The following MCPH1 variants were observed in gnomAD, a reference collection of about 807,000 sequenced individuals.
The protein encoded by MCPH1 is microcephalin.
In MCPH1, 104 loss-of-function variants were observed where a neutral mutation model predicts 84.5. The observed-to-expected ratio is 1.23, with a 90% confidence interval of 1.05 to 1.45. The LOEUF (loss-of-function observed/expected upper bound fraction) is 1.45. Ranked by LOEUF, MCPH1 falls within the 40% of genes most tolerant of loss-of-function variation. The probability of loss-of-function intolerance (pLI) is 0.00; values close to 1 mark genes in which losing one functional copy is unlikely to be tolerated. For synonymous variants in MCPH1, 514 were observed against 366.8 expected, an observed-to-expected ratio of 1.40 and a Z score of -4.58; for missense variants, 1,498 against 1,005.7, an observed-to-expected ratio of 1.49 and a Z score of -6.62.
At chr8:6,509,078 G>GA (rs759292001) in intron 12 of MCPH1, 129 of 1,603,554 alleles carry the variant, frequency 8.0e-5, no homozygotes, top group Non-Finnish European at 9.6e-5. Context: ...AGCGTGCAAA[G>GA]AAAAAAAACA....
intron 13 of MCPH1, among the ~76,000 whole-genome samples, chr8:6,635,672 C>T (rs772168355): frequency 6.6e-6 from 1 of 152,170 alleles, no homozygotes; most frequent in East Asian, 1.9e-4. Flanking sequence ...AAGGAGCTGT[C>T]GGTTCTAAGA....
chr8:6,532,193 T>C (rs1984857), intron 12 of MCPH1: 396,564 of 1,018,306 alleles, frequency 0.39, 80,032 homozygotes, highest in Non-Finnish European at 0.41. Context: ...ACATCCTTAA[T>C]TTCTTATCAA....
intron 12 of MCPH1, among the ~76,000 whole-genome samples, chr8:6,546,872 T>C (rs1822676359): frequency 6.6e-6 from 1 of 152,222 alleles, no homozygotes; most frequent in Non-Finnish European, 1.5e-5. Context: ...TAATAAATTG[T>C]GTAAGACCTT....
rs1177561822 is a variant in MCPH1 at position 6,647,284 on chromosome 8, A to C, written c.*4235A>C. 6.6e-6 allele frequency: 1 copy of C among 152,220 alleles called. No homozygotes were observed. The highest frequency in any genetic ancestry group is 6.5e-5 in the Admixed American group (1 of 15,278). 9.4% of individuals were successfully genotyped at this position (152,220 alleles called of 1,614,324 possible). A position where few individuals can be genotyped will look rare whatever the true frequency, so the allele number is the denominator to read the frequency against. ...ACAAGACTGATAATTCCAACATCTG[A>C]CCAAGATATGGAGAAACTAGAACTC... On this transcript the variant is annotated 3_prime_UTR_variant, in exon 14 of 14. Transcript: ENST00000344683.
intron 13 of MCPH1, among the ~76,000 whole-genome samples, chr8:6,629,869 T>A (rs1586871858): frequency 6.6e-6 from 1 of 152,154 alleles, no homozygotes; most frequent in Non-Finnish European, 1.5e-5. Flanking sequence ...CAGTTTAGAA[T>A]CTTCCTTGGT....
intron 12 of MCPH1, among the ~76,000 whole-genome samples, chr8:6,569,688 A>G (rs1826500585): frequency 6.6e-6 from 1 of 152,250 alleles, no homozygotes; most frequent in South Asian, 2.1e-4. Context: ...CTTTTATGTT[A>G]ATGGTTATGA....
At chr8:6,594,617 G>A (rs932544578) in intron 12 of MCPH1, among the ~76,000 whole-genome samples, 1 of 152,114 alleles carries the variant, frequency 6.6e-6, no homozygotes, top group Non-Finnish European at 1.5e-5. Flanking sequence ...TTGGAGTATT[G>A]CCAACTGGCC....
intron 12 of MCPH1, among the ~76,000 whole-genome samples, chr8:6,612,356 G>A (rs184736612): frequency 1.2e-3 from 182 of 152,194 alleles, no homozygotes; most frequent in African/African-American, 4.2e-3. Context: ...CTTCCCGGGC[G>A]TGATAACTCT....
intron 12 of MCPH1, among the ~76,000 whole-genome samples, chr8:6,575,308 A>G (rs1212862691): frequency 6.6e-6 from 1 of 152,220 alleles, no homozygotes; most frequent in East Asian, 1.9e-4. Context: ...AAGCTTAGCA[A>G]TGTGGGTTTT....
At chr8:6,468,266 T>G (rs1807243371) in intron 9 of MCPH1, among the ~76,000 whole-genome samples, 2 of 152,078 alleles carry the variant, frequency 1.3e-5, no homozygotes, top group South Asian at 4.1e-4. Flanking sequence ...GGTCCTTTGT[T>G]TGGGGAAGGG....
intron 12 of MCPH1, among the ~76,000 whole-genome samples, chr8:6,550,341 T>C (rs1823412984): frequency 6.6e-6 from 1 of 152,144 alleles, no homozygotes; most frequent in East Asian, 1.9e-4. Context: ...TGAGGCAGTG[T>C]GGCGTGGGGC....
At chr8:6,601,599 C>A (rs904493261) in intron 12 of MCPH1, among the ~76,000 whole-genome samples, 2 of 145,548 alleles carry the variant, frequency 1.4e-5, no homozygotes, top group Admixed American at 1.4e-4. Flanking sequence ...ACCAGAAATA[C>A]ACACACCATA....
chr8:6,463,270 C>G (rs930356663), intron 9 of MCPH1, among the ~76,000 whole-genome samples: 1 of 152,180 alleles, frequency 6.6e-6, no homozygotes, highest in African/African-American at 2.4e-5. Context: ...CTTGGGGGAT[C>G]TGCTTCCTCA....
chr8:6,449,741 A>C (rs1804866730), intron 8 of MCPH1, among the ~76,000 whole-genome samples: 1 of 152,044 alleles, frequency 6.6e-6, no homozygotes, highest in Non-Finnish European at 1.5e-5. Flanking sequence ...GCCAGTTTGC[A>C]TGGGAATGGA....
At chr8:6,443,395 C>T (rs1803798560) in intron 7 of MCPH1, among the ~76,000 whole-genome samples, 4 of 148,854 alleles carry the variant, frequency 2.7e-5, no homozygotes, top group African/African-American at 2.6e-5. Flanking sequence ...CTTGAAGACA[C>T]CTGGGGCACA....
chr8:6,561,488 AG>A (rs1240177783), intron 12 of MCPH1, among the ~76,000 whole-genome samples: 1 of 152,236 alleles, frequency 6.6e-6, no homozygotes, highest in East Asian at 1.9e-4. Flanking sequence ...TCTGAGATTC[AG>A]ATAAGGTGTC....
At chr8:6,509,047 T>C (rs138469064) in intron 12 of MCPH1, 81 of 1,614,038 alleles carry the variant, frequency 5.0e-5, no homozygotes, top group Non-Finnish European at 6.5e-5. Flanking sequence ...TCCCTGTAAG[T>C]CCTTTAAGGT....
chr8:6,514,748 C>G lies in MCPH1; in HGVS notation c.2214+14819C>G. 2 of 1,613,998 alleles carry G rather than the reference C, an allele frequency of 1.2e-6. No homozygotes were observed. Among genetic ancestry groups the G allele is most frequent in the Non-Finnish European group, 1.7e-6 (2 of 1,179,984 alleles). On this transcript the variant is annotated intron_variant, in intron 12 of 13. Transcript: ENST00000344683. The stretch of plus-strand genomic sequence containing the variant: ...TCACGTCGCTGAATAATTGTCCACC[C>G]GCCTCCTCCAGCTTCCATGTCACAG...
intron 9 of MCPH1, among the ~76,000 whole-genome samples, chr8:6,458,466 CT>C (rs1805932211): frequency 1.5e-5 from 2 of 130,460 alleles, no homozygotes; most frequent in African/African-American, 6.6e-5. Context: ...AGTGAGACTC[CT>C]TCTCAAAAAA....
Sources: gnomAD v4.1 joint callset for allele counts (sites outside exome capture counted in the v4.1 genomes callset) on GRCh38, gnomAD v4.1.1 for gene constraint, MANE v1.5 for transcripts, NCBI Gene and HGNC (gene_info 2026-07-23, HGNC 2026-07-21) for gene names.